DLGAP4: variants seen among roughly 807,000 people sequenced by gnomAD.
DLGAP4 encodes the protein DLG associated protein 4, also known as disks large-associated protein 4.
In DLGAP4, 18 loss-of-function variants were observed where a neutral mutation model predicts 86.9. The ratio of observed to expected loss-of-function variants is 0.21; its 90% confidence interval spans 0.14 to 0.31. The LOEUF is 0.31. DLGAP4 is among the 10% of genes least tolerant of loss of function. DLGAP4 has a pLI of 1.00. For missense variants in DLGAP4, 1,085 were observed against 1,362.6 expected (o/e 0.80, Z 3.21); for synonymous variants, 548 against 574.3 (o/e 0.95, Z 0.65).
chr20:36,459,982 C>A (rs2033981649), intron 7 of DLGAP4, among the ~76,000 whole-genome samples: 2 of 152,208 alleles, frequency 1.3e-5, no homozygotes, highest in African/African-American at 4.8e-5. Flanking sequence ...TTTGAAAAAT[C>A]TTGCCTTGGT....
intron 10 of DLGAP4, among the ~76,000 whole-genome samples, chr20:36,523,580 T>A (rs548185700): frequency 6.6e-5 from 10 of 152,254 alleles, no homozygotes; most frequent in African/African-American, 9.6e-5. Context: ...AAGTTTTTAA[T>A]ACCTCAGCTG....
chr20:36,482,964 G>T (rs1445052947), intron 7 of DLGAP4, among the ~76,000 whole-genome samples: 1 of 152,170 alleles, frequency 6.6e-6, no homozygotes, highest in Non-Finnish European at 1.5e-5. Flanking sequence ...GAGCCACCAT[G>T]CCCGGCCAAA....
intron 7 of DLGAP4, among the ~76,000 whole-genome samples, chr20:36,489,855 CTTTTTT>C (rs764797081): frequency 2.2e-4 from 24 of 107,994 alleles, no homozygotes; most frequent in Admixed American, 9.4e-4. Context: ...GCTAATTCTT[CTTTTTT>C]TTTTTTTTTT....
rs568949886 is a variant in DLGAP4, at chr20:36,419,120, CT to C, written c.-72-12516del. Among the ~76,000 whole-genome samples the C allele has an allele frequency of 3.5e-4, 52 of 149,374 alleles. 1 individual carries two copies. The South Asian group carries it at 6.6e-3, about 19-fold the overall frequency. ...AGATTCGTGACCTATTTCTTTCTTT[CT>C]TTTTTTTTTCTTTTTTTTGAGATAG... On this transcript the variant is annotated intron_variant, in intron 2 of 12. Coordinates refer to ENST00000339266, the MANE Select transcript of DLGAP4 (RefSeq NM_001365621.2).
intron 10 of DLGAP4, among the ~76,000 whole-genome samples, chr20:36,522,197 G>A (rs947521716): frequency 6.6e-6 from 1 of 152,106 alleles, no homozygotes; most frequent in Admixed American, 6.6e-5. Flanking sequence ...TGTCACCCAG[G>A]TTGGAGGAAT....
At chr20:36,478,104 T>A (rs1044231296) in intron 7 of DLGAP4, among the ~76,000 whole-genome samples, 10 of 152,210 alleles carry the variant, frequency 6.6e-5, no homozygotes, top group Middle Eastern at 3.2e-3. Context: ...ACAATAATTC[T>A]GTGTCATAGG....
intron 10 of DLGAP4, among the ~76,000 whole-genome samples, chr20:36,504,637 C>G (rs2036283010): frequency 6.6e-6 from 1 of 152,222 alleles, no homozygotes; most frequent in African/African-American, 2.4e-5. Flanking sequence ...TCCAGTTTCT[C>G]CACATCTTCA....
At chr20:36,362,107 C>A (rs559888171) in intron 1 of DLGAP4, among the ~76,000 whole-genome samples, 2 of 151,292 alleles carry the variant, frequency 1.3e-5, no homozygotes, top group Admixed American at 6.6e-5. Flanking sequence ...GCCTGGCCAA[C>A]GTGATGAAAC....
At chr20:36,462,037 G>A in intron 7 of DLGAP4, 1 of 986,768 alleles carries the variant, frequency 1.0e-6, no homozygotes, top group Non-Finnish European at 1.2e-6. Context: ...CTCTCCCCAA[G>A]GGCTCCCCGT....
chr20:36,310,088 C>T (rs2147329150), intron 1 of DLGAP4, among the ~76,000 whole-genome samples: 1 of 151,514 alleles, frequency 6.6e-6, no homozygotes, highest in East Asian at 1.9e-4. Context: ...AATCCCAGCA[C>T]TTTGGGAGGC....
chr20:36,343,617 G>C (rs191993557), intron 1 of DLGAP4, among the ~76,000 whole-genome samples: 5 of 151,356 alleles, frequency 3.3e-5, no homozygotes, highest in Admixed American at 6.5e-5. Context: ...AGGCTACCAG[G>C]TACCCCCCCC....
chr20:36,453,872 G>GCA (rs1489873398), intron 7 of DLGAP4, among the ~76,000 whole-genome samples: 1 of 147,352 alleles, frequency 6.8e-6, no homozygotes, highest in African/African-American at 2.5e-5. Context: ...GGCGGAGGTT[G>GCA]CAGTGAGCCG....
At chr20:36,381,783 G>C (rs530104960) in intron 2 of DLGAP4, among the ~76,000 whole-genome samples, 6 of 152,246 alleles carry the variant, frequency 3.9e-5, no homozygotes, top group African/African-American at 1.4e-4. Context: ...TGATGATGGT[G>C]GGTGTCTCAT....
At chr20:36,482,158 T>C (rs2035215933) in intron 7 of DLGAP4, among the ~76,000 whole-genome samples, 1 of 152,306 alleles carries the variant, frequency 6.6e-6, no homozygotes, top group Admixed American at 6.5e-5. Flanking sequence ...CCTACTCCTG[T>C]CACCTGATAT....
At chr20:36,397,802 G>A (rs961763092) in intron 2 of DLGAP4, among the ~76,000 whole-genome samples, 6 of 152,122 alleles carry the variant, frequency 3.9e-5, no homozygotes, top group African/African-American at 7.2e-5. Context: ...TTTGGTATTC[G>A]TTGAGATTGG....
At chr20:36,511,348 G>A (rs941251314) in intron 10 of DLGAP4, among the ~76,000 whole-genome samples, 1 of 152,030 alleles carries the variant, frequency 6.6e-6, no homozygotes, top group Non-Finnish European at 1.5e-5. Context: ...GGCTACAGGT[G>A]TGTACCACCA....
In DLGAP4 at chr20:36,393,737, CA is replaced by C. The variant is rs2031857950; in HGVS notation, c.-73+26463del. On this transcript the variant is annotated intron_variant, in intron 2 of 12. Coordinates refer to ENST00000339266, the MANE Select transcript of DLGAP4 (RefSeq NM_001365621.2). The surrounding 1 kb of genome is among the most constrained non-coding windows in gnomAD (Gnocchi z 4.4). ...CCTGCACCCTTTGTGGCACTTTAGC[CA>C]TATTGTCTTGGAATTAGACATAGAT... Among the ~76,000 whole-genome samples the C allele has an allele frequency of 6.6e-6, 1 of 152,154 alleles. No individual in the cohort carries two copies. Among genetic ancestry groups the C allele is most frequent in the Admixed American group, 6.5e-5 (1 of 15,274 alleles).
At chr20:36,448,307 A>G (rs926028694) in intron 7 of DLGAP4, among the ~76,000 whole-genome samples, 1 of 152,224 alleles carries the variant, frequency 6.6e-6, no homozygotes, top group African/African-American at 2.4e-5. Flanking sequence ...CTGTGTTCAC[A>G]CCACTGCACT....
At position 36,368,124 on chromosome 20, in the gene DLGAP4, G is replaced by A. The variant is rs796382567; in HGVS notation, c.-73+849G>A. On this transcript the variant is annotated intron_variant, in intron 2 of 12. Transcript: ENST00000339266. ...GTGCCTGGCATACAGTGGGTACCCA[G>A]TAAATAGCTGTGGAAGGAAGGAAAG... Among the ~76,000 whole-genome samples, 6 of 152,358 alleles carry A rather than the reference G, an allele frequency of 3.9e-5. No homozygotes were observed. The South Asian group carries it at 6.2e-4, about 16-fold the overall frequency.
Sources: gnomAD v4.1 joint callset for allele counts (sites outside exome capture counted in the v4.1 genomes callset) on GRCh38, gnomAD v4.1.1 for gene constraint, Gnocchi (gnomAD v3.1) non-coding constraint, MANE v1.5 for transcripts, NCBI Gene and HGNC (gene_info 2026-07-23, HGNC 2026-07-21) for gene names.